ROBO2: variants seen among roughly 807,000 people sequenced by gnomAD.
The protein encoded by ROBO2 is roundabout guidance receptor 2, also known as roundabout homolog 2.
In ROBO2, 53 loss-of-function variants were observed where a neutral mutation model predicts 160.8. The ratio of observed to expected loss-of-function variants is 0.33; its 90% CI spans 0.26 to 0.41. The LOEUF is 0.41. Among genes scored for constraint, ROBO2 ranks in the 10% least tolerant of loss-of-function variants. The pLI is 1.00. For missense variants in ROBO2, 1,577 were observed against 1,722.4 expected (o/e 0.92, Z 1.49); for synonymous variants, 664 against 611.7 (o/e 1.09, Z -1.26).
At chr3:76,384,318 A>T (rs898659074) in intron 2 of ROBO2, among the ~76,000 whole-genome samples, 5 of 152,190 alleles carry the variant, frequency 3.3e-5, no homozygotes, top group Non-Finnish European at 1.5e-5. Flanking sequence ...CTTTATAGAC[A>T]AGAAGCACAT....
At chr3:77,567,619 T>C (rs1000658967) in intron 12 of ROBO2, among the ~76,000 whole-genome samples, 1 of 152,072 alleles carries the variant, frequency 6.6e-6, no homozygotes, top group African/African-American at 2.4e-5. Context: ...CCTAAACATG[T>C]CTGCATGACC....
intron 2 of ROBO2, among the ~76,000 whole-genome samples, chr3:76,882,696 A>G (rs2073477606): frequency 6.6e-6 from 1 of 152,168 alleles, no homozygotes; most frequent in Non-Finnish European, 1.5e-5. Context: ...ATCTATCAGA[A>G]TCTTACGGGG....
chr3:77,328,317 G>A (rs1443018736), intron 2 of ROBO2, among the ~76,000 whole-genome samples: 1 of 152,106 alleles, frequency 6.6e-6, no homozygotes, highest in Non-Finnish European at 1.5e-5. Context: ...TATTAATAAA[G>A]TTTAGGCCAA....
intron 9 of ROBO2, among the ~76,000 whole-genome samples, chr3:77,562,060 G>A (rs139826698): frequency 0.027 from 4,086 of 152,082 alleles, 126 homozygotes; most frequent in East Asian, 0.13. Flanking sequence ...CTGAGATCGA[G>A]CCATTGCACT....
At chr3:76,597,550 T>C (rs1578409777) in intron 2 of ROBO2, among the ~76,000 whole-genome samples, 2 of 139,550 alleles carry the variant, frequency 1.4e-5, no homozygotes, top group South Asian at 4.6e-4. Flanking sequence ...AAAACAACAA[T>C]GAGGTTCACT....
intron 2 of ROBO2, among the ~76,000 whole-genome samples, chr3:77,476,422 T>C (rs1266671564): frequency 6.6e-6 from 1 of 151,432 alleles, no homozygotes; most frequent in African/African-American, 2.4e-5. Flanking sequence ...TCATTTTACC[T>C]CAAGGTACTT....
At chr3:76,819,343 A>T (rs2065929324) in intron 2 of ROBO2, among the ~76,000 whole-genome samples, 2 of 152,064 alleles carry the variant, frequency 1.3e-5, no homozygotes, top group Admixed American at 1.3e-4. Context: ...TTGTCTCCTT[A>T]GATACCTTCT....
At chr3:77,302,546 G>A (rs2062752776) in intron 2 of ROBO2, among the ~76,000 whole-genome samples, 1 of 152,008 alleles carries the variant, frequency 6.6e-6, no homozygotes, top group South Asian at 2.1e-4. Flanking sequence ...TAATTAATAT[G>A]CGTTCTTGGC....
intron 2 of ROBO2, among the ~76,000 whole-genome samples, chr3:76,140,743 C>A (rs1315391476): frequency 6.6e-6 from 1 of 151,438 alleles, no homozygotes; most frequent in Non-Finnish European, 1.5e-5. Flanking sequence ...TGTGAATTCC[C>A]AATTTTATTG....
chr3:77,344,259 A>G (rs2067379395), intron 2 of ROBO2, among the ~76,000 whole-genome samples: 2 of 152,172 alleles, frequency 1.3e-5, no homozygotes, highest in Admixed American at 6.6e-5. Context: ...ATATATCAAA[A>G]ATATTTTTTT....
At chr3:76,734,323 T>C (rs1268053071) in intron 2 of ROBO2, among the ~76,000 whole-genome samples, 3 of 151,998 alleles carry the variant, frequency 2.0e-5, no homozygotes, top group Admixed American at 6.6e-5. Flanking sequence ...CATTTGAGAG[T>C]AAAAGGGGGC....
chr3:76,160,665 C>A (rs912640506), intron 2 of ROBO2, among the ~76,000 whole-genome samples: 2 of 152,146 alleles, frequency 1.3e-5, no homozygotes, highest in Admixed American at 6.6e-5. Flanking sequence ...ACCTAAGCCT[C>A]ATCATAAATT....
chr3:77,094,266 C>T (rs1299435326), intron 1 of ROBO2, among the ~76,000 whole-genome samples: 2 of 152,178 alleles, frequency 1.3e-5, no homozygotes, highest in Non-Finnish European at 2.9e-5. Context: ...TCCATTGCAA[C>T]TAGCTCCTTT....
At chr3:77,416,991 T>C (rs1296305533) in intron 2 of ROBO2, among the ~76,000 whole-genome samples, 1 of 152,112 alleles carries the variant, frequency 6.6e-6, no homozygotes, top group African/African-American at 2.4e-5. Context: ...TATGTACATG[T>C]TGAATATTAG....
chr3:76,895,532 A>T (rs563018331), intron 2 of ROBO2, among the ~76,000 whole-genome samples: 1 of 152,118 alleles, frequency 6.6e-6, no homozygotes, highest in African/African-American at 2.4e-5. Context: ...TGTGAAGTCT[A>T]TATGATTAGA....
chr3:76,999,810 A>G (rs2061240382), intron 2 of ROBO2, among the ~76,000 whole-genome samples: 1 of 152,166 alleles, frequency 6.6e-6, no homozygotes, highest in Non-Finnish European at 1.5e-5. Flanking sequence ...CTTTGTAAGT[A>G]GGTACTTTCC....
intron 2 of ROBO2, among the ~76,000 whole-genome samples, chr3:76,802,224 C>A (rs1019116770): frequency 2.0e-5 from 3 of 152,168 alleles, no homozygotes; most frequent in African/African-American, 7.2e-5. Context: ...TTGCCACTAA[C>A]CTTCAGTTTA....
intron 2 of ROBO2, among the ~76,000 whole-genome samples, chr3:76,253,452 C>G (rs1189804232): frequency 6.6e-6 from 1 of 151,374 alleles, no homozygotes; most frequent in East Asian, 1.9e-4. Context: ...TTTAAAATTT[C>G]TTTTAGAGAT....
chr3:76,528,381 T>C (rs1025330996), intron 2 of ROBO2, among the ~76,000 whole-genome samples: 2 of 151,982 alleles, frequency 1.3e-5, no homozygotes, highest in Non-Finnish European at 2.9e-5. Context: ...GTGGGTAGAA[T>C]TGATAGTAGT....
Sources: gnomAD v4.1 joint callset for allele counts (sites outside exome capture counted in the v4.1 genomes callset) on GRCh38, gnomAD v4.1.1 for gene constraint, MANE v1.5 for transcripts, NCBI Gene and HGNC (gene_info 2026-07-23, HGNC 2026-07-21) for gene names.